The following RGS7 variants were observed in gnomAD, a reference collection of about 807,000 sequenced individuals.
The protein encoded by RGS7 is regulator of G-protein signaling 7.
In RGS7, 27 loss-of-function variants were observed where a neutral mutation model predicts 81.1. That is an observed-to-expected ratio of 0.33 (90% CI 0.25 to 0.46). The LOEUF is 0.46. RGS7 is among the 20% of genes least tolerant of loss of function. The probability of loss-of-function intolerance (pLI) is 1.00; values close to 1 mark genes in which losing one functional copy is unlikely to be tolerated. For missense variants in RGS7, 396 were observed against 607.4 expected (o/e 0.65, Z 3.66); for synonymous variants, 208 against 207.7 (o/e 1.00, Z -0.01).
intron 9 of RGS7, among the ~76,000 whole-genome samples, chr1:240,830,527 G>A (rs1360748382): frequency 6.6e-6 from 1 of 152,174 alleles, no homozygotes; most frequent in Non-Finnish European, 1.5e-5. Context: ...CTGGATAGCA[G>A]CAGAGAAAGG....
At chr1:241,212,129 A>T (rs1464172234) in intron 2 of RGS7, among the ~76,000 whole-genome samples, 1 of 151,852 alleles carries the variant, frequency 6.6e-6, no homozygotes, top group Non-Finnish European at 1.5e-5. Context: ...ATAATAGTTA[A>T]TTATTACATG....
chr1:241,339,396 C>A (rs895933529), intron 2 of RGS7, among the ~76,000 whole-genome samples: 3 of 152,150 alleles, frequency 2.0e-5, no homozygotes, highest in Non-Finnish European at 4.4e-5. Flanking sequence ...TATGCATAAT[C>A]AAAGTCAGAG....
At chr1:241,097,967 A>G (rs2064401786) in intron 3 of RGS7, among the ~76,000 whole-genome samples, 1 of 152,074 alleles carries the variant, frequency 6.6e-6, no homozygotes, top group Non-Finnish European at 1.5e-5. Flanking sequence ...TTTCCTCTCT[A>G]TTCCTTCAGC....
At chr1:240,820,193 C>A (rs1691519623) in intron 10 of RGS7, among the ~76,000 whole-genome samples, 1 of 152,144 alleles carries the variant, frequency 6.6e-6, no homozygotes, top group Non-Finnish European at 1.5e-5. Context: ...GAAATAAAAT[C>A]TCTTAATGTC....
chr1:240,823,670 C>T (rs1354452527), intron 10 of RGS7, among the ~76,000 whole-genome samples: 1 of 152,172 alleles, frequency 6.6e-6, no homozygotes, highest in Non-Finnish European at 1.5e-5. Context: ...GCTGTGTCTC[C>T]CCAGACTGCC....
At chr1:240,887,385 C>T (rs947071180) in intron 6 of RGS7, among the ~76,000 whole-genome samples, 14 of 152,138 alleles carry the variant, frequency 9.2e-5, no homozygotes, top group Admixed American at 3.9e-4. Context: ...CCTGCCACCA[C>T]GCCCGGCTCA....
At chr1:241,052,057 A>G (rs2061279638) in intron 3 of RGS7, among the ~76,000 whole-genome samples, 2 of 152,150 alleles carry the variant, frequency 1.3e-5, no homozygotes, top group African/African-American at 4.8e-5. Flanking sequence ...ACCTTCCATA[A>G]ACATGTTATA....
At chr1:241,146,907 C>G (rs188115685) in intron 2 of RGS7, among the ~76,000 whole-genome samples, 78 of 152,278 alleles carry the variant, frequency 5.1e-4, no homozygotes, top group African/African-American at 1.8e-3. Flanking sequence ...AAAGGCTCTA[C>G]CTTCAGGGCC....
At chr1:240,965,139 A>C (rs1389575735) in intron 4 of RGS7, among the ~76,000 whole-genome samples, 1 of 152,138 alleles carries the variant, frequency 6.6e-6, no homozygotes, top group Admixed American at 6.5e-5. Context: ...CTATTTTCTT[A>C]TTCTCATATG....
intron 2 of RGS7, among the ~76,000 whole-genome samples, chr1:241,261,158 T>G (rs1489366853): frequency 6.6e-6 from 1 of 151,608 alleles, no homozygotes; most frequent in African/African-American, 2.4e-5. Context: ...TCTTCGAACC[T>G]CAAAGGATTG....
At chr1:241,016,450 G>A (rs764133523) in intron 3 of RGS7, among the ~76,000 whole-genome samples, 17 of 151,938 alleles carry the variant, frequency 1.1e-4, no homozygotes, top group Admixed American at 3.3e-4. Context: ...CCCAGGAGGC[G>A]GAGGTTGCAG....
At chr1:240,963,817 A>C (rs1404927323) in intron 4 of RGS7, among the ~76,000 whole-genome samples, 1 of 152,198 alleles carries the variant, frequency 6.6e-6, no homozygotes, top group African/African-American at 2.4e-5. Context: ...GAGTAAGCCT[A>C]TACAGATATG....
intron 2 of RGS7, among the ~76,000 whole-genome samples, chr1:241,253,559 G>A (rs1440262036): frequency 6.6e-6 from 1 of 152,146 alleles, no homozygotes; most frequent in African/African-American, 2.4e-5. Flanking sequence ...AAGAGGCAAC[G>A]ATGAAATAGC....
chr1:241,215,981 A>G (rs898709429), intron 2 of RGS7, among the ~76,000 whole-genome samples: 5 of 152,226 alleles, frequency 3.3e-5, no homozygotes, highest in Admixed American at 1.3e-4. Context: ...ACTGAAAAGT[A>G]AGAATAAAGG....
At chr1:241,011,309 CT>C (rs11299834) in intron 3 of RGS7, among the ~76,000 whole-genome samples, 3,497 of 152,216 alleles carry the variant, frequency 0.023, 151 homozygotes, top group African/African-American at 0.079. Flanking sequence ...CCCTTCCTTC[CT>C]GGCAGCAGGG....
rs202229784 is a variant in RGS7, at chr1:240,950,927, C to CTTT, written c.227-14224_227-14222dup. 8.9e-5 allele frequency among the ~76,000 whole-genome samples: 13 copies of CTTT among 146,140 alleles called. No individual in the cohort carries two copies. The South Asian group carries it at 1.1e-3, about 12-fold the overall frequency. The stretch of plus-strand genomic sequence containing the variant: ...GCAGCTTTCTTTCCTTTCTCTCTCT[C>CTTT]TTTTTTTTTTTTGAGATGGGAGTTT... On this transcript the variant is annotated intron_variant, in intron 4 of 18. Transcript: ENST00000440928.
At chr1:241,338,191 C>G (rs1171974125) in intron 2 of RGS7, among the ~76,000 whole-genome samples, 3 of 152,150 alleles carry the variant, frequency 2.0e-5, no homozygotes, top group Non-Finnish European at 4.4e-5. Context: ...TCAGGAGGAA[C>G]TCATCTCCAT....
At chr1:240,853,638 A>T (rs917117945) in intron 9 of RGS7, among the ~76,000 whole-genome samples, 1 of 151,990 alleles carries the variant, frequency 6.6e-6, no homozygotes, top group Admixed American at 6.6e-5. Flanking sequence ...GGGCGCAGTG[A>T]CTCACGCCTG....
At chr1:241,043,847 T>C (rs1272168367) in intron 3 of RGS7, among the ~76,000 whole-genome samples, 2 of 151,886 alleles carry the variant, frequency 1.3e-5, no homozygotes, top group South Asian at 2.1e-4. Flanking sequence ...TATCCACATA[T>C]ATTATGCCAT....
Sources: allele counts gnomAD v4.1 joint callset (sites outside exome capture counted in the v4.1 genomes callset), GRCh38; gene constraint gnomAD v4.1.1; transcripts MANE v1.5; gene names NCBI Gene and HGNC (gene_info 2026-07-23, HGNC 2026-07-21).